The following GMPR variants were observed in gnomAD, a reference collection of about 807,000 sequenced individuals.
GMPR encodes the protein guanosine monophosphate reductase.
GMPR carries 31 observed loss-of-function variants against 38.4 expected under a neutral mutation model. The ratio of observed to expected loss-of-function variants is 0.81; its 90% CI spans 0.61 to 1.09. GMPR has a LOEUF of 1.09. Ranked by LOEUF, GMPR falls within the 50% of genes least tolerant of loss-of-function variation. The pLI is 0.00. For missense variants in GMPR, 468 were observed against 453.7 expected (o/e 1.03, Z -0.29); for synonymous variants, 162 against 173.3 (o/e 0.93, Z 0.51).
At chr6:16,287,300 G>A (rs983510562) in intron 7 of GMPR, among the ~76,000 whole-genome samples, 34 of 152,236 alleles carry the variant, frequency 2.2e-4, no homozygotes, top group African/African-American at 8.0e-4. Context: ...TACAGGTGGT[G>A]GTCCATCTTG....
At position 16,250,281 on chromosome 6, in the gene GMPR, TA is replaced by T; in HGVS notation, c.208-2del. 6.3e-7 allele frequency: 1 copy of T among 1,577,136 alleles called. No homozygotes were observed. ...ATCCTAATGGTGCTGTTTTGTTTTC[TA>T]GCACTCCATGTTTACAGCAATTCAT... On this transcript the variant is annotated splice_acceptor_variant, in intron 2 of 8. Transcript: ENST00000259727. LOFTEE classifies it high-confidence loss of function.
chr6:16,293,967 C>T (rs1367120753), intron 8 of GMPR, among the ~76,000 whole-genome samples: 1 of 152,146 alleles, frequency 6.6e-6, no homozygotes, highest in Non-Finnish European at 1.5e-5. Context: ...GTGTAATATA[C>T]ACATATTCTG....
intron 4 of GMPR, chr6:16,264,593 A>C (rs1237266551): frequency 6.6e-6 from 1 of 151,362 alleles, no homozygotes; most frequent in East Asian, 1.9e-4. Context: ...CAGCGAAGGG[A>C]GATAGGGGTG....
chr6:16,282,369 T>G (rs1474029377), intron 6 of GMPR, among the ~76,000 whole-genome samples: 2 of 151,780 alleles, frequency 1.3e-5, no homozygotes, highest in Non-Finnish European at 2.9e-5. Context: ...ATAATTAATC[T>G]TTTTTTTTGA....
At position 16,254,620 on chromosome 6, in the gene GMPR, T is replaced by C. The variant is rs1480713900; in HGVS notation, c.350T>C (p.Leu117Pro). 6.2e-6 allele frequency: 10 copies of C among 1,613,562 alleles called. No homozygotes were observed. The highest frequency in any genetic ancestry group is 1.3e-5 in the African/African-American group (1 of 74,934). ...GATCTGGAAAAGATGACCAGCATCC[T>C]GGAAGCTGTGCCACAGGTTAAGTTT... ...QNDLEKMTSILEAVPQVKFIC... is the reference protein window; with the variant it reads ...QNDLEKMTSIPEAVPQVKFIC... The change falls in exon 4 of 9, where the codon CTG becomes CCG. Residue 117 changes from leucine to proline, a missense_variant. Physicochemically the swap from Leu to Pro is moderately conservative, Grantham distance 98. Coordinates refer to ENST00000259727, the MANE Select transcript of GMPR (RefSeq NM_006877.4).
At chr6:16,240,559 C>T (rs1758628510) in intron 1 of GMPR, among the ~76,000 whole-genome samples, 1 of 152,212 alleles carries the variant, frequency 6.6e-6, no homozygotes, top group African/African-American at 2.4e-5. Flanking sequence ...TGGCTTGAGC[C>T]CAGGAGCTGG....
rs991953580 is a variant in GMPR at position 16,268,225 on chromosome 6, T to G, written c.466-6190T>G. 2.6e-5 allele frequency among the ~76,000 whole-genome samples: 4 copies of G among 152,208 alleles called. No individual in the cohort carries two copies. In the East Asian group the frequency reaches 7.7e-4, roughly 29 times the overall value. ...GTCACATAATAAACTCAGTTTAACATGGCTGTTGCCTGGATAGCAACTATT... is the reference window on the plus strand; with the variant it reads ...GTCACATAATAAACTCAGTTTAACAGGGCTGTTGCCTGGATAGCAACTATT... On this transcript the variant is annotated intron_variant, in intron 4 of 8. Transcript: ENST00000259727.
intron 6 of GMPR, 70 bp downstream of exon 6, chr6:16,278,960 A>G: frequency 2.2e-6 from 2 of 912,452 alleles, no homozygotes; most frequent in Non-Finnish European, 3.5e-6. Flanking sequence ...CTCTTCTTTC[A>G]CTGGCTGGGC....
intron 5 of GMPR, 124 bp downstream of exon 5, chr6:16,274,620 C>CT (rs1181760706): frequency 8.1e-6 from 5 of 619,716 alleles, no homozygotes; most frequent in Non-Finnish European, 1.4e-5. Flanking sequence ...TTAAAGCATG[C>CT]TTTTTCTGGA....
At chr6:16,268,904 T>C (rs1053395847) in intron 4 of GMPR, among the ~76,000 whole-genome samples, 3 of 151,038 alleles carry the variant, frequency 2.0e-5, no homozygotes, top group African/African-American at 2.4e-5. Flanking sequence ...ATATGAATTA[T>C]TTTAAATTAA....
At chr6:16,289,261 A>T (rs974969575) in intron 7 of GMPR, among the ~76,000 whole-genome samples, 2 of 152,202 alleles carry the variant, frequency 1.3e-5, no homozygotes, top group African/African-American at 2.4e-5. Context: ...TCACAGTGAG[A>T]GTCTATGGCT....
chr6:16,267,068 A>G (rs1321539871), intron 4 of GMPR, among the ~76,000 whole-genome samples: 1 of 151,838 alleles, frequency 6.6e-6, no homozygotes, highest in African/African-American at 2.4e-5. Context: ...TGCCACCTTT[A>G]AGAGCTGTAA....
intron 8 of GMPR, among the ~76,000 whole-genome samples, chr6:16,292,270 C>G (rs1225960524): frequency 6.6e-6 from 1 of 151,932 alleles, no homozygotes; most frequent in Non-Finnish European, 1.5e-5. Flanking sequence ...AGCAAAATCT[C>G]AGAACTCCAC....
chr6:16,246,989 C>T (rs1284812966), intron 2 of GMPR, 28 bp downstream of exon 2: 2 of 1,608,828 alleles, frequency 1.2e-6, no homozygotes, highest in East Asian at 2.2e-5. Flanking sequence ...TGTTTTTTCC[C>T]TTTGCTGCTC....
At position 16,266,007 on chromosome 6, in the gene GMPR, G is replaced by A. The variant is rs146378572; in HGVS notation, c.466-8408G>A. ...ACCTTTAAGAGCTGTAACACTCACC[G>A]TGAAGGTCTGTGGCTTCACTGCTGA... On this transcript the variant is annotated intron_variant, in intron 4 of 8. Transcript: ENST00000259727. Among the ~76,000 whole-genome samples the A allele has an allele frequency of 6.0e-3, 914 of 152,252 alleles. 7 individuals are homozygous for A. Among genetic ancestry groups the A allele is most frequent in the Middle Eastern group, 0.017 (5 of 294 alleles).
chr6:16,238,905 C>T, intron 1 of GMPR, 125 bp downstream of exon 1: 1 of 372,264 alleles, frequency 2.7e-6, no homozygotes, highest in East Asian at 4.4e-5. Context: ...TGGGGCGCTG[C>T]GCCCCCGTTC....
intron 6 of GMPR, among the ~76,000 whole-genome samples, chr6:16,279,129 C>G (rs1203309240): frequency 6.6e-6 from 1 of 152,204 alleles, no homozygotes; most frequent in Admixed American, 6.5e-5. Flanking sequence ...GAGGGATGTG[C>G]AGGCAGCTTT....
chr6:16,280,972 G>A (rs1759561223), intron 6 of GMPR, among the ~76,000 whole-genome samples: 1 of 152,170 alleles, frequency 6.6e-6, no homozygotes, highest in Non-Finnish European at 1.5e-5. Context: ...TAGTTTACAG[G>A]GCTGTTTGGC....
intron 8 of GMPR, among the ~76,000 whole-genome samples, chr6:16,294,050 C>A (rs1487358215): frequency 6.6e-6 from 1 of 152,166 alleles, no homozygotes; most frequent in Non-Finnish European, 1.5e-5. Flanking sequence ...ACCCAAGTAA[C>A]AATCAAGCAG....
Sources: gnomAD v4.1 joint callset for allele counts (sites outside exome capture counted in the v4.1 genomes callset) on GRCh38, gnomAD v4.1.1 for gene constraint, MANE v1.5 for transcripts, NCBI Gene and HGNC (gene_info 2026-07-23, HGNC 2026-07-21) for gene names.